NECTIN2: variants seen among roughly 807,000 people sequenced by gnomAD.
NECTIN2 encodes nectin cell adhesion molecule 2, also known as nectin-2.
NECTIN2 carries 23 observed loss-of-function variants against 56.9 expected under a neutral mutation model. The ratio of observed to expected loss-of-function variants is 0.40; its 90% CI spans 0.29 to 0.57. The LOEUF is 0.57. Ranked by LOEUF, NECTIN2 falls within the 20% of genes least tolerant of loss-of-function variation. NECTIN2 has a pLI of 0.38. For missense variants in NECTIN2, 587 were observed against 718.3 expected, an observed-to-expected ratio of 0.82 and a Z score of 2.09; for synonymous variants, 302 against 313.8, an observed-to-expected ratio of 0.96 and a Z score of 0.40.
chr19:44,883,690 AGTGGTGCACACCT>A (rs1278026473), intron 6 of NECTIN2, among the ~76,000 whole-genome samples: 1 of 152,158 alleles, frequency 6.6e-6, no homozygotes, highest in Non-Finnish European at 1.5e-5. Flanking sequence ...AGCCAGGCAA[AGTGGTGCACACCT>A]GTGGTCCAGC....
chr19:44,866,924 G>A (rs1042991521), intron 2 of NECTIN2, among the ~76,000 whole-genome samples: 2 of 152,118 alleles, frequency 1.3e-5, no homozygotes, highest in Non-Finnish European at 2.9e-5. Context: ...CATAACCCCA[G>A]CACTCAGGGA....
chr19:44,871,161 C>T (rs1318652968), intron 2 of NECTIN2, among the ~76,000 whole-genome samples: 3 of 152,164 alleles, frequency 2.0e-5, no homozygotes, highest in South Asian at 2.1e-4. Flanking sequence ...CCACCACGCC[C>T]GACCAGCTTT....
intron 1 of NECTIN2, among the ~76,000 whole-genome samples, chr19:44,858,711 C>T (rs1968998708): frequency 6.6e-6 from 1 of 152,024 alleles, no homozygotes; most frequent in Non-Finnish European, 1.5e-5. Flanking sequence ...GGTATGATCT[C>T]AGCTTACTGC....
At chr19:44,856,806 T>C (rs1033353336) in intron 1 of NECTIN2, among the ~76,000 whole-genome samples, 28 of 152,220 alleles carry the variant, frequency 1.8e-4, no homozygotes, top group Admixed American at 2.6e-4. Flanking sequence ...TCCGGACTTC[T>C]GTCTGGAGCT....
intron 3 of NECTIN2, among the ~76,000 whole-genome samples, chr19:44,872,538 T>C (rs1969187793): frequency 6.6e-6 from 1 of 151,878 alleles, no homozygotes; most frequent in Non-Finnish European, 1.5e-5. Flanking sequence ...CCCCAGAGAG[T>C]TGGTTTACCA....
chr19:44,862,623 A>G (rs1969046480), intron 1 of NECTIN2, among the ~76,000 whole-genome samples: 1 of 152,192 alleles, frequency 6.6e-6, no homozygotes. Flanking sequence ...GTTCTCACTT[A>G]TAAGTGGAAT....
rs552736098 is a variant in NECTIN2, at chr19:44,857,516, C to G, written c.89-7755C>G. ...TCCCGGGTTCAAGCAATCCTCCTGC[C>G]TCAGCCCCCCTAGCAGCTAGGATTA... On this transcript the variant is annotated intron_variant, in intron 1 of 8. Coordinates refer to ENST00000252483, the MANE Select transcript of NECTIN2 (RefSeq NM_001042724.2). 6.5e-4 allele frequency among the ~76,000 whole-genome samples: 94 copies of G among 145,172 alleles called. No individual in the cohort carries two copies. The Middle Eastern group carries it at 0.017, about 27-fold the overall frequency.
intron 1 of NECTIN2, among the ~76,000 whole-genome samples, chr19:44,856,841 T>C (rs1048377236): frequency 1.3e-5 from 2 of 152,188 alleles, no homozygotes; most frequent in Non-Finnish European, 2.9e-5. Context: ...CCAGGCCTTC[T>C]GTGTGGGCTG....
At chr19:44,878,706 C>T in intron 5 of NECTIN2, 1 of 1,510,976 alleles carries the variant, frequency 6.6e-7, no homozygotes. Context: ...ACTGGTTGGA[C>T]TTGTTCGTCT....
chr19:44,873,404 G>C (rs981999417), intron 3 of NECTIN2, among the ~76,000 whole-genome samples: 1 of 152,134 alleles, frequency 6.6e-6, no homozygotes, highest in Non-Finnish European at 1.5e-5. Flanking sequence ...AGGCCAAGGC[G>C]GGCAGATCAC....
At chr19:44,873,488 C>T (rs1969200598) in intron 3 of NECTIN2, among the ~76,000 whole-genome samples, 1 of 152,144 alleles carries the variant, frequency 6.6e-6, no homozygotes, top group African/African-American at 2.4e-5. Flanking sequence ...CCAAAATTAG[C>T]TGGACGTGGT....
chr19:44,886,932 T>A (rs1208863075), intron 8 of NECTIN2, among the ~76,000 whole-genome samples: 1 of 150,390 alleles, frequency 6.6e-6, no homozygotes, highest in African/African-American at 2.5e-5. Flanking sequence ...GCCTGTAGGC[T>A]GAGGTGGGCG....
At position 44,875,370 on chromosome 19, in the gene NECTIN2, A is replaced by G. The variant is rs1257589541; in HGVS notation, c.1042+892A>G. ...AACCTCCGCCTCCCGGGTTCAAGCA[A>G]TTATCCTGCCTCAGCCTCCTGAGTA... On this transcript the variant is annotated intron_variant, in intron 5 of 8. Transcript: ENST00000252483. The surrounding 1 kb of genome is among the most constrained non-coding windows in gnomAD (Gnocchi z 4.2). 6.6e-6 allele frequency among the ~76,000 whole-genome samples: 1 copy of G among 152,002 alleles called. No individual in the cohort carries two copies. The highest frequency in any genetic ancestry group is 2.4e-5 in the African/African-American group (1 of 41,366).
chr19:44,857,389 TA>T (rs1968977140), intron 1 of NECTIN2, among the ~76,000 whole-genome samples: 1 of 151,846 alleles, frequency 6.6e-6, no homozygotes, highest in Admixed American at 6.6e-5. Flanking sequence ...CTACAGGCCC[TA>T]GCCATCTTGC....
Position 44,882,095 on chromosome 19 carries a change from T to A in NECTIN2, c.1043-116T>A, listed in dbSNP as rs1969313892. 3 of 941,772 alleles carry A rather than the reference T, an allele frequency of 3.2e-6. No homozygotes were observed. The East Asian group carries it at 9.7e-5, about 30-fold the overall frequency. 58.3% of individuals were successfully genotyped at this position (941,772 alleles called of 1,614,324 possible). A position where few individuals can be genotyped will look rare whatever the true frequency, so the allele number is the denominator to read the frequency against. ...TTGAGTTGAATGAAAGAATGTCCCC[T>A]GCCCATGGGAGAGGACATAGACAGG... On this transcript the variant is annotated intron_variant, in intron 5 of 8. Coordinates refer to ENST00000252483, the MANE Select transcript of NECTIN2 (RefSeq NM_001042724.2).
At chr19:44,855,078 G>T (rs1260186611) in intron 1 of NECTIN2, among the ~76,000 whole-genome samples, 1 of 124,848 alleles carries the variant, frequency 8.0e-6, no homozygotes, top group East Asian at 2.5e-4. Context: ...AGATCGCGCT[G>T]CTGCACTCCA....
intron 2 of NECTIN2, among the ~76,000 whole-genome samples, chr19:44,871,115 C>T (rs1969169628): frequency 6.6e-6 from 1 of 152,198 alleles, no homozygotes; most frequent in South Asian, 2.1e-4. Flanking sequence ...ATCCACCCTC[C>T]TCAGCCTCCT....
At chr19:44,877,863 T>A (rs1969257712) in intron 5 of NECTIN2, among the ~76,000 whole-genome samples, 1 of 152,258 alleles carries the variant, frequency 6.6e-6, no homozygotes, top group African/African-American at 2.4e-5. Context: ...TTGCTAGATC[T>A]GATTTGTCCC....
intron 2 of NECTIN2, among the ~76,000 whole-genome samples, chr19:44,866,877 C>T (rs1283201790): frequency 6.6e-6 from 1 of 152,080 alleles, no homozygotes; most frequent in Non-Finnish European, 1.5e-5. Flanking sequence ...AAGGCAACTA[C>T]AAAGTCCGGG....
Sources: gnomAD v4.1 joint callset for allele counts (sites outside exome capture counted in the v4.1 genomes callset) on GRCh38, gnomAD v4.1.1 for gene constraint, Gnocchi (gnomAD v3.1) non-coding constraint, MANE v1.5 for transcripts, NCBI Gene and HGNC (gene_info 2026-07-23, HGNC 2026-07-21) for gene names.